The following CHSY3 variants were observed in gnomAD, a reference collection of about 807,000 sequenced individuals.
CHSY3 encodes the protein chondroitin sulfate synthase 3.
A neutral mutation model predicts 67.2 loss-of-function variants in CHSY3; 35 were observed. The ratio of observed to expected loss-of-function variants is 0.52; its 90% CI spans 0.40 to 0.69. The LOEUF (loss-of-function observed/expected upper bound fraction) is 0.69. CHSY3 is among the 30% of genes least tolerant of loss of function. The probability of loss-of-function intolerance (pLI) is 0.00; values close to 1 mark genes in which losing one functional copy is unlikely to be tolerated. For missense variants in CHSY3, 1,069 were observed against 1,138.5 expected (o/e 0.94, Z 0.88); for synonymous variants, 474 against 434.7 (o/e 1.09, Z -1.12).
At chr5:130,077,799 G>GTA (rs76554919) in intron 2 of CHSY3, among the ~76,000 whole-genome samples, 21 of 150,444 alleles carry the variant, frequency 1.4e-4, no homozygotes, top group East Asian at 9.8e-4. Flanking sequence ...ATATATGTGT[G>GTA]TATATATATA....
At position 129,983,926 on chromosome 5, in the gene CHSY3, T is replaced by A. The variant is rs577771413; in HGVS notation, c.1086+75566T>A. 5.9e-5 allele frequency among the ~76,000 whole-genome samples: 9 copies of A among 152,200 alleles called. No homozygotes were observed. In the East Asian group the frequency reaches 1.5e-3, roughly 26 times the overall value. On this transcript the variant is annotated intron_variant, in intron 2 of 2. Coordinates refer to ENST00000305031, the MANE Select transcript of CHSY3 (RefSeq NM_175856.5). ...GTGATCATAGTAATTCTCTGAACAT[T>A]GAACAAAACATCCTAATGCATTTTA...
chr5:130,040,611 TG>T (rs1764981980), intron 2 of CHSY3, among the ~76,000 whole-genome samples: 1 of 152,100 alleles, frequency 6.6e-6, no homozygotes, highest in Non-Finnish European at 1.5e-5. Flanking sequence ...CATGTACAGC[TG>T]TAAATAATAA....
intron 2 of CHSY3, among the ~76,000 whole-genome samples, chr5:130,168,069 C>A (rs978727014): frequency 3.9e-5 from 6 of 151,954 alleles, no homozygotes; most frequent in African/African-American, 1.4e-4. Context: ...TTTTTCTTTC[C>A]TTTAAGTAGT....
chr5:130,054,539 G>T (rs891008909), intron 2 of CHSY3, among the ~76,000 whole-genome samples: 1 of 152,032 alleles, frequency 6.6e-6, no homozygotes, highest in Non-Finnish European at 1.5e-5. Context: ...CCATGTGCTG[G>T]CCCTGTGATA....
At chr5:130,020,461 A>ATATATTTTTTTT (rs1371121130) in intron 2 of CHSY3, among the ~76,000 whole-genome samples, 1 of 79,934 alleles carries the variant, frequency 1.3e-5, no homozygotes, top group African/African-American at 6.1e-5. Context: ...ATATATATAT[A>ATATATTTTTTTT]TTTTTTTTTT....
At chr5:129,953,211 T>G (rs1762075994) in intron 2 of CHSY3, among the ~76,000 whole-genome samples, 1 of 152,140 alleles carries the variant, frequency 6.6e-6, no homozygotes, top group African/African-American at 2.4e-5. Context: ...CTCCCACTAA[T>G]GAGTGAGAAC....
chr5:130,003,722 T>A (rs889107098), intron 2 of CHSY3, among the ~76,000 whole-genome samples: 1 of 152,176 alleles, frequency 6.6e-6, no homozygotes, highest in Non-Finnish European at 1.5e-5. Flanking sequence ...CTATAGGCAA[T>A]TTGAGACCCT....
chr5:130,183,067 T>C (rs1287661305), intron 2 of CHSY3, among the ~76,000 whole-genome samples: 1 of 152,122 alleles, frequency 6.6e-6, no homozygotes, highest in East Asian at 1.9e-4. Context: ...TTTGCAGACA[T>C]GGTGCTGCTG....
At chr5:130,135,624 A>C (rs1768635797) in intron 2 of CHSY3, among the ~76,000 whole-genome samples, 1 of 152,082 alleles carries the variant, frequency 6.6e-6, no homozygotes, top group Non-Finnish European at 1.5e-5. Context: ...CTGCCTCTCC[A>C]TATCACAATG....
At chr5:130,111,371 A>T (rs1767587763) in intron 2 of CHSY3, among the ~76,000 whole-genome samples, 1 of 152,072 alleles carries the variant, frequency 6.6e-6, no homozygotes, top group Admixed American at 6.6e-5. Context: ...ATATTTTATG[A>T]CCCTGAATAT....
At chr5:129,930,299 C>T (rs538791316) in intron 2 of CHSY3, among the ~76,000 whole-genome samples, 1 of 149,206 alleles carries the variant, frequency 6.7e-6, no homozygotes, top group South Asian at 2.1e-4. Flanking sequence ...CGCCACCGCA[C>T]TACAGCCTGA....
chr5:130,030,996 T>C (rs1310088234), intron 2 of CHSY3, among the ~76,000 whole-genome samples: 2 of 152,088 alleles, frequency 1.3e-5, no homozygotes, highest in Non-Finnish European at 2.9e-5. Context: ...TAGAGTATAG[T>C]GGGCTTATCC....
chr5:129,939,647 A>G (rs899255729), intron 2 of CHSY3, among the ~76,000 whole-genome samples: 27 of 152,208 alleles, frequency 1.8e-4, no homozygotes, highest in Admixed American at 1.8e-3. Context: ...TGATGCTTTG[A>G]ATTAATGTGA....
At chr5:130,101,806 C>T (rs1331221876) in intron 2 of CHSY3, among the ~76,000 whole-genome samples, 3 of 152,058 alleles carry the variant, frequency 2.0e-5, no homozygotes, top group Non-Finnish European at 2.9e-5. Flanking sequence ...TTCAATACTT[C>T]GATTCATAAA....
intron 2 of CHSY3, among the ~76,000 whole-genome samples, chr5:129,985,109 C>T (rs1191115250): frequency 6.6e-6 from 1 of 152,066 alleles, no homozygotes; most frequent in East Asian, 1.9e-4. Flanking sequence ...GCTAGTGCCC[C>T]AGATAGTATT....
intron 2 of CHSY3, among the ~76,000 whole-genome samples, chr5:129,914,199 C>T (rs993056278): frequency 6.6e-6 from 1 of 152,150 alleles, no homozygotes; most frequent in Non-Finnish European, 1.5e-5. Flanking sequence ...CAACCTCCCC[C>T]TCCCAGGTTC....
chr5:130,023,499 T>G (rs1764450259), intron 2 of CHSY3, among the ~76,000 whole-genome samples: 1 of 151,928 alleles, frequency 6.6e-6, no homozygotes, highest in African/African-American at 2.4e-5. Context: ...GGAAAGAAAT[T>G]TCATAAATGT....
chr5:130,027,216 A>G (rs1348925377), intron 2 of CHSY3, among the ~76,000 whole-genome samples: 2 of 152,158 alleles, frequency 1.3e-5, no homozygotes, highest in Non-Finnish European at 2.9e-5. Context: ...TGTGAGTCTA[A>G]TAAATCTACA....
At chr5:129,996,204 G>A (rs1763533789) in intron 2 of CHSY3, among the ~76,000 whole-genome samples, 1 of 152,072 alleles carries the variant, frequency 6.6e-6, no homozygotes, top group Non-Finnish European at 1.5e-5. Context: ...GTTATTATGA[G>A]GAAATTTTGT....
Sources: allele counts gnomAD v4.1 joint callset (sites outside exome capture counted in the v4.1 genomes callset), GRCh38; gene constraint gnomAD v4.1.1; transcripts MANE v1.5; gene names NCBI Gene and HGNC (gene_info 2026-07-23, HGNC 2026-07-21).